Variants in TBC1D22B observed in about 807,000 individuals in gnomAD.
TBC1D22B encodes the protein TBC1 domain family member 22B, also known as chromosome 6 open reading frame 197.
A neutral mutation model predicts 69.1 loss-of-function variants in TBC1D22B; 32 were observed. That is an observed-to-expected ratio of 0.46 (90% CI 0.35 to 0.62). The LOEUF (loss-of-function observed/expected upper bound fraction) is 0.62, where lower values mean the gene tolerates loss of function less well. Among genes scored for constraint, TBC1D22B ranks in the 20% least tolerant of loss-of-function variants. TBC1D22B has a pLI of 0.00. For missense variants in TBC1D22B, 462 were observed against 630.9 expected, an observed-to-expected ratio of 0.73 and a Z score of 2.87; for synonymous variants, 206 against 229.8, an observed-to-expected ratio of 0.90 and a Z score of 0.94.
Position 37,258,828 on chromosome 6 carries a change from C to A in TBC1D22B, c.56+855C>A, listed in dbSNP as rs575634084. Among the ~76,000 whole-genome samples, 13 of 152,120 alleles carry A rather than the reference C, an allele frequency of 8.5e-5. No individual in the cohort carries two copies. In the East Asian group the frequency reaches 2.3e-3, roughly 27 times the overall value. On this transcript the variant is annotated intron_variant, in intron 1 of 12. Transcript: ENST00000373491. Reference sequence around the variant, plus strand: ...TATAAGGAAGAGTGTGTATTTCAGTCGTAAATTTAAGATTTCTGCCAGCTA... The same window carrying A: ...TATAAGGAAGAGTGTGTATTTCAGTAGTAAATTTAAGATTTCTGCCAGCTA...
At chr6:37,269,683 C>T (rs1354719486) in intron 2 of TBC1D22B, 33 bp downstream of exon 2, 1 of 1,598,688 alleles carries the variant, frequency 6.3e-7, no homozygotes, top group Non-Finnish European at 8.6e-7. Flanking sequence ...TATCTATCTA[C>T]TGCTGTCACC....
At chr6:37,299,659 T>G (rs188107910) in intron 8 of TBC1D22B, among the ~76,000 whole-genome samples, 106 of 152,290 alleles carry the variant, frequency 7.0e-4, no homozygotes, top group African/African-American at 2.5e-3. Context: ...GCTTCTCCTT[T>G]AGGGTTTTTG....
chr6:37,262,303 A>G (rs1583517849), intron 1 of TBC1D22B, among the ~76,000 whole-genome samples: 1 of 152,136 alleles, frequency 6.6e-6, no homozygotes, highest in Non-Finnish European at 1.5e-5. Context: ...TCAGCCTCCC[A>G]AAGTTCTGAG....
At chr6:37,280,845 G>A (rs1224297714) in intron 3 of TBC1D22B, among the ~76,000 whole-genome samples, 1 of 152,148 alleles carries the variant, frequency 6.6e-6, no homozygotes, top group Admixed American at 6.5e-5. Context: ...AGTTGTTTTT[G>A]TAAACCTTCT....
chr6:37,288,707 A>T (rs1264825170), intron 7 of TBC1D22B, among the ~76,000 whole-genome samples: 1 of 148,338 alleles, frequency 6.7e-6, no homozygotes, highest in Non-Finnish European at 1.5e-5. Flanking sequence ...GTGCTACTGC[A>T]CTCCAGCCTG....
chr6:37,296,757 G>A (rs1340735771), intron 8 of TBC1D22B, among the ~76,000 whole-genome samples: 1 of 151,878 alleles, frequency 6.6e-6, no homozygotes, highest in African/African-American at 2.4e-5. Flanking sequence ...TTTTTTATAT[G>A]TATCTCTGAA....
At chr6:37,324,038 A>C (rs906496378) in intron 12 of TBC1D22B, among the ~76,000 whole-genome samples, 44 of 152,264 alleles carry the variant, frequency 2.9e-4, no homozygotes, top group Admixed American at 2.2e-3. Context: ...TATAGGGACC[A>C]GAGGAAATGT....
intron 1 of TBC1D22B, among the ~76,000 whole-genome samples, chr6:37,258,735 A>G (rs1217846411): frequency 6.6e-6 from 1 of 152,118 alleles, no homozygotes; most frequent in Non-Finnish European, 1.5e-5. Context: ...GACTTTTGGC[A>G]AATTATCCAT....
At chr6:37,318,081 G>A (rs1352984704) in intron 12 of TBC1D22B, among the ~76,000 whole-genome samples, 1 of 152,202 alleles carries the variant, frequency 6.6e-6, no homozygotes, top group East Asian at 1.9e-4. Flanking sequence ...ATCTGACTTA[G>A]TTTCAGTAGG....
intron 8 of TBC1D22B, among the ~76,000 whole-genome samples, chr6:37,293,108 C>T (rs553586604): frequency 4.7e-4 from 70 of 150,420 alleles, no homozygotes; most frequent in African/African-American, 1.6e-3. Flanking sequence ...GACAGAGTCT[C>T]GCTCTGTCGC....
At chr6:37,271,846 A>T (rs1015869917) in intron 2 of TBC1D22B, among the ~76,000 whole-genome samples, 3 of 111,172 alleles carry the variant, frequency 2.7e-5, no homozygotes, top group Non-Finnish European at 3.5e-5. Flanking sequence ...TGCAAGGTGC[A>T]TGCTTTTTTT....
chr6:37,295,660 C>T (rs1183762304), intron 8 of TBC1D22B: 3 of 426,660 alleles, frequency 7.0e-6, no homozygotes, highest in South Asian at 6.0e-5. Flanking sequence ...TCTTACAGAT[C>T]AAATAAGGTT....
At chr6:37,280,677 G>A (rs558360660) in intron 3 of TBC1D22B, among the ~76,000 whole-genome samples, 11 of 152,270 alleles carry the variant, frequency 7.2e-5, no homozygotes, top group South Asian at 4.1e-4. Context: ...GACCTCCCCC[G>A]CCCAGCCCAG....
In TBC1D22B at chr6:37,311,600, G is replaced by T. The variant is rs1767912337; in HGVS notation, c.983-1318G>T. 2.6e-5 allele frequency among the ~76,000 whole-genome samples: 4 copies of T among 152,040 alleles called. No homozygotes were observed. In the South Asian group the frequency reaches 8.3e-4, roughly 32 times the overall value. On this transcript the variant is annotated intron_variant, in intron 8 of 12. Transcript: ENST00000373491. ...AGGTGGGAGGATCATCTGAGCCTGG[G>T]AAGTCAAGGCTGCAGTGAGCCGAGA... is the stretch of plus-strand genomic sequence containing the variant.
intron 1 of TBC1D22B, among the ~76,000 whole-genome samples, chr6:37,269,028 A>G (rs977432381): frequency 6.6e-6 from 1 of 152,148 alleles, no homozygotes; most frequent in African/African-American, 2.4e-5. Context: ...CCTAATACAT[A>G]TATGTATATA....
In TBC1D22B at chr6:37,279,369, A is replaced by T. The variant is rs748501605; in HGVS notation, c.179A>T (p.His60Leu). The T allele has an allele frequency of 6.8e-6, 11 of 1,614,012 alleles. No individual in the cohort carries two copies. Among genetic ancestry groups the T allele is most frequent in the African/African-American group, 2.7e-5 (2 of 74,928 alleles). ...PLKNKKASSF[H>L]EFARNTSDAW... is the part of the protein sequence containing the mutation. ...AAGAATAAGAAGGCCTCCAGTTTTC[A>T]TGAGTTTGCACGGAATACCAGTGAT... The change falls in exon 3 of 13, where the codon CAT becomes CTT. Residue 60 changes from histidine (H) to leucine (L), a missense_variant. Coordinates refer to ENST00000373491, the MANE Select transcript of TBC1D22B (RefSeq NM_017772.4).
intron 8 of TBC1D22B, among the ~76,000 whole-genome samples, chr6:37,304,804 T>A (rs57620048): frequency 0.032 from 4,838 of 152,322 alleles, 241 homozygotes; most frequent in African/African-American, 0.11. Context: ...ATCGCTTTCT[T>A]AGTTTAATTT....
At chr6:37,289,730 C>G (rs977216146) in intron 7 of TBC1D22B, among the ~76,000 whole-genome samples, 1 of 152,190 alleles carries the variant, frequency 6.6e-6, no homozygotes, top group Non-Finnish European at 1.5e-5. Context: ...GAGAGTGAGG[C>G]AGGGAATTAT....
intron 8 of TBC1D22B, among the ~76,000 whole-genome samples, chr6:37,310,524 C>T (rs534180585): frequency 1.3e-5 from 2 of 152,042 alleles, no homozygotes; most frequent in African/African-American, 4.8e-5. Context: ...CAAAATTAGC[C>T]AGGCATAGTG....
Sources: gnomAD v4.1 joint callset for allele counts (sites outside exome capture counted in the v4.1 genomes callset) on GRCh38, gnomAD v4.1.1 for gene constraint, MANE v1.5 for transcripts, NCBI Gene and HGNC (gene_info 2026-07-23, HGNC 2026-07-21) for gene names.